Variants in PHACTR2 observed in about 807,000 individuals in gnomAD.
PHACTR2 encodes the protein chromosome 6 open reading frame 56.
PHACTR2 carries 30 observed loss-of-function variants against 76.0 expected under a neutral mutation model. The observed-to-expected ratio is 0.39, with a 90% CI of 0.30 to 0.54. The LOEUF (loss-of-function observed/expected upper bound fraction) is 0.54. Among genes scored for constraint, PHACTR2 ranks in the 20% least tolerant of loss-of-function variants. The probability of loss-of-function intolerance (pLI) is 0.61; values close to 1 mark genes in which losing one functional copy is unlikely to be tolerated. For missense variants in PHACTR2, 696 were observed against 781.1 expected (o/e 0.89, Z 1.30); for synonymous variants, 292 against 292.5 (o/e 1.00, Z 0.02).
At position 143,739,504 on chromosome 6, in the gene PHACTR2, T is replaced by A. The variant is rs1242002049; in HGVS notation, c.215-9481T>A. Reference sequence around the variant, plus strand: ...GTGTCACTGTGTCTTAGGTTTACCATCTTTTACTGTAAAGAAACAGGAAAT... The same window carrying A: ...GTGTCACTGTGTCTTAGGTTTACCAACTTTTACTGTAAAGAAACAGGAAAT... On this transcript the variant is annotated intron_variant, in intron 2 of 12. Coordinates refer to ENST00000440869, the MANE Select transcript of PHACTR2 (RefSeq NM_001100164.2). This position sits in a 1 kb window ranked among gnomAD's most constrained non-coding sequence, Gnocchi z 4.3. 6.6e-6 allele frequency among the ~76,000 whole-genome samples: 1 copy of A among 152,230 alleles called. No individual in the cohort carries two copies. The highest frequency in any genetic ancestry group is 1.5e-5 in the Non-Finnish European group (1 of 68,026).
At chr6:143,643,504 A>G (rs763706009) in intron 1 of PHACTR2, among the ~76,000 whole-genome samples, 83 of 152,224 alleles carry the variant, frequency 5.5e-4, no homozygotes, top group Non-Finnish European at 8.1e-4. Flanking sequence ...ACAATGTTTT[A>G]ACCATCAGTT....
chr6:143,608,289 T>C lies in PHACTR2; in HGVS notation c.-21T>C. 1.2e-6 allele frequency: 2 copies of C among 1,614,026 alleles called. No individual in the cohort carries two copies. Among genetic ancestry groups the C allele is most frequent in the Non-Finnish European group, 1.7e-6 (2 of 1,179,926 alleles). On this transcript the variant is annotated 5_prime_UTR_variant, in exon 1 of 12. Transcript: ENST00000305766. The surrounding 1 kb of genome is among the most constrained non-coding windows in gnomAD (Gnocchi z 4.6). The stretch of plus-strand genomic sequence containing the variant: ...CTTCCCGGCTGCCAGGCTACAGAAC[T>C]CGCCTCGCCACTCCTGAGACATGGA...
intron 7 of PHACTR2, among the ~76,000 whole-genome samples, chr6:143,773,418 C>T (rs1775199220): frequency 6.7e-6 from 1 of 150,302 alleles, no homozygotes; most frequent in African/African-American, 2.5e-5. Context: ...TAACTTTGTG[C>T]TGGATAACAT....
At chr6:143,781,879 A>G (rs1222496938) in intron 9 of PHACTR2, among the ~76,000 whole-genome samples, 3 of 152,206 alleles carry the variant, frequency 2.0e-5, no homozygotes, top group African/African-American at 7.2e-5. Flanking sequence ...GTGGATGATT[A>G]CAGTTTATGT....
Position 143,648,464 on chromosome 6 carries a change from G to A in PHACTR2, c.13+40142G>A, listed in dbSNP as rs1435366833. Reference sequence around the variant, plus strand: ...CTGGGAGTCCCTGGGAGGGGGGGACGAGGAGGAACAGACCAAACAAAGCAT... The same window carrying A: ...CTGGGAGTCCCTGGGAGGGGGGGACAAGGAGGAACAGACCAAACAAAGCAT... On this transcript the variant is annotated intron_variant, in intron 1 of 11. Transcript: ENST00000305766. The surrounding 1 kb of genome is among the most constrained non-coding windows in gnomAD (Gnocchi z 6.7). 4.6e-5 allele frequency among the ~76,000 whole-genome samples: 7 copies of A among 152,156 alleles called. No homozygotes were observed. Among genetic ancestry groups the A allele is most frequent in the African/African-American group, 9.7e-5 (4 of 41,424 alleles).
chr6:143,703,542 G>A lies in PHACTR2; in HGVS notation c.47-8474G>A, dbSNP rs182152147. 4.0e-3 allele frequency among the ~76,000 whole-genome samples: 604 copies of A among 152,290 alleles called. 1 individual carries two copies. Among genetic ancestry groups the A allele is most frequent in the Non-Finnish European group, 6.1e-3 (418 of 68,024 alleles). ...GTTACGAGCAATCTTCCTCCAGAGCGACTAAAATCCTTTCAATACATTCTA... is the reference window on the plus strand; with the variant it reads ...GTTACGAGCAATCTTCCTCCAGAGCAACTAAAATCCTTTCAATACATTCTA... On this transcript the variant is annotated intron_variant, in intron 1 of 12. Coordinates refer to ENST00000440869, the MANE Select transcript of PHACTR2 (RefSeq NM_001100164.2).
At position 143,710,943 on chromosome 6, in the gene PHACTR2, T is replaced by A. The variant is rs138697522; in HGVS notation, c.47-1073T>A. 1.1e-3 allele frequency: 491 copies of A among 454,708 alleles called. 9 individuals carry two copies. Among genetic ancestry groups the A allele is most frequent in the South Asian group, 7.4e-3 (445 of 60,082 alleles). 28.2% of individuals were successfully genotyped at this position (454,708 alleles called of 1,614,324 possible). On this transcript the variant is annotated intron_variant, in intron 1 of 12. Coordinates refer to ENST00000440869, the MANE Select transcript of PHACTR2 (RefSeq NM_001100164.2). This position sits in a 1 kb window ranked among gnomAD's most constrained non-coding sequence, Gnocchi z 4.9. The stretch of plus-strand genomic sequence containing the variant: ...TGCCTTTTCCATCTATCTATCCAGT[T>A]ATTATTTTTGACGGACATCAGTACA...
At chr6:143,626,472 G>A (rs546879209) in intron 1 of PHACTR2, among the ~76,000 whole-genome samples, 1 of 150,306 alleles carries the variant, frequency 6.7e-6, no homozygotes, top group Non-Finnish European at 1.5e-5. Flanking sequence ...GGAAGGCGGA[G>A]CTTGCAGTGA....
rs182871717 is a variant in PHACTR2 at position 143,600,725 on chromosome 6, C to T, written c.217+63518C>T. On this transcript the variant is annotated intron_variant, in intron 1 of 11. Transcript: ENST00000367584. ...CAAGACTATTGAGTGCTATTGAGGGCGAAGTGATTGTTTTGTTTAGTTTTG... is the reference window on the plus strand; with the variant it reads ...CAAGACTATTGAGTGCTATTGAGGGTGAAGTGATTGTTTTGTTTAGTTTTG... 3.5e-4 allele frequency among the ~76,000 whole-genome samples: 53 copies of T among 152,214 alleles called. 1 individual carries two copies. Among genetic ancestry groups the T allele is most frequent in the East Asian group, 2.3e-3 (12 of 5,174 alleles).
intron 9 of PHACTR2, among the ~76,000 whole-genome samples, chr6:143,778,489 A>C (rs994802485): frequency 6.6e-6 from 1 of 150,948 alleles, no homozygotes; most frequent in Admixed American, 6.6e-5. Flanking sequence ...TTTTTTTGAC[A>C]TAACTAGAAT....
rs947447707 is a variant in PHACTR2, at chr6:143,648,021, C to T, written c.13+39699C>T. ...ATAAGGGAAGCAGGTAGGATCCTGC[C>T]GTGACCCGAGAGAGATGTATGGCTG... On this transcript the variant is annotated intron_variant, in intron 1 of 11. Coordinates refer to the PHACTR2 transcript ENST00000305766. The surrounding 1 kb of genome is among the most constrained non-coding windows in gnomAD (Gnocchi z 6.7). Among the ~76,000 whole-genome samples, 3 of 152,072 alleles carry T rather than the reference C, an allele frequency of 2.0e-5. No individual in the cohort carries two copies. Among genetic ancestry groups the T allele is most frequent in the Admixed American group, 6.6e-5 (1 of 15,260 alleles).
Position 143,680,053 on chromosome 6 carries a change from A to G in PHACTR2, c.46+1844A>G, listed in dbSNP as rs1777353672. On this transcript the variant is annotated intron_variant, in intron 1 of 12. Transcript: ENST00000440869. The surrounding 1 kb of genome is among the most constrained non-coding windows in gnomAD (Gnocchi z 4.5). ...GTTATGACTTAAGTTGTGGTATTGT[A>G]AAAGAACAGTTTTCTCGTGGTATCC... Among the ~76,000 whole-genome samples the G allele has an allele frequency of 6.6e-6, 1 of 152,132 alleles. No individual in the cohort carries two copies. The highest frequency in any genetic ancestry group is 2.4e-5 in the African/African-American group (1 of 41,412).
At chr6:143,704,466 C>T (rs77003531) in intron 1 of PHACTR2, among the ~76,000 whole-genome samples, 5,547 of 152,214 alleles carry the variant, frequency 0.036, 141 homozygotes, top group Non-Finnish European at 0.056. Flanking sequence ...AGCGGACTTC[C>T]TCACTCCTAA....
Position 143,743,645 on chromosome 6 carries a change from T to C in PHACTR2, c.215-5340T>C, listed in dbSNP as rs1417617720. On this transcript the variant is annotated intron_variant, in intron 2 of 12. Coordinates refer to ENST00000440869, the MANE Select transcript of PHACTR2 (RefSeq NM_001100164.2). The surrounding 1 kb of genome is among the most constrained non-coding windows in gnomAD (Gnocchi z 5.0). ...GACATTCTGTTTTCTGCAACTGCTA[T>C]TGAAGAGGGGCAAAGCCGAGCCAGG... Among the ~76,000 whole-genome samples, 1 of 152,238 alleles carries C rather than the reference T, an allele frequency of 6.6e-6. No homozygotes were observed. The highest frequency in any genetic ancestry group is 1.5e-5 in the Non-Finnish European group (1 of 68,044).
chr6:143,586,312 G>T (rs1242631050), intron 1 of PHACTR2, among the ~76,000 whole-genome samples: 1 of 152,142 alleles, frequency 6.6e-6, no homozygotes, highest in African/African-American at 2.4e-5. Context: ...TTACTTTTTG[G>T]CAATGAAAGA....
intron 6 of PHACTR2, among the ~76,000 whole-genome samples, chr6:143,768,986 G>C (rs1242823594): frequency 3.3e-5 from 5 of 152,092 alleles, no homozygotes; most frequent in African/African-American, 1.2e-4. Context: ...TGGATATTTG[G>C]ATTAGAATAT....
intron 2 of PHACTR2, among the ~76,000 whole-genome samples, chr6:143,724,500 A>C (rs1272915645): frequency 6.6e-6 from 1 of 151,682 alleles, no homozygotes. Flanking sequence ...ATGCGACCCA[A>C]CTTCTTTCAC....
At position 143,806,906 on chromosome 6, in the gene PHACTR2, A is replaced by G. The variant is rs1776078018; in HGVS notation, c.1846-151A>G. On this transcript the variant is annotated intron_variant, in intron 11 of 12. Transcript: ENST00000440869. This position sits in a 1 kb window ranked among gnomAD's most constrained non-coding sequence, Gnocchi z 5.8. ...CAGGAGTTTGAGGCTGCAATGAGCC[A>G]TGATCTCGCCACTCCACTCCAGCTT... 6.0e-6 allele frequency: 3 copies of G among 499,576 alleles called. No individual in the cohort carries two copies. 30.9% of individuals were successfully genotyped at this position (499,576 alleles called of 1,614,324 possible).
chr6:143,784,354 A>C lies in PHACTR2; in HGVS notation c.1707+1074A>C, dbSNP rs368212074. ...TCACTTTTTTCTGTGTTAAAGTAATAGCCTTTGGAAAAATCAAGCACCATC... is the reference window on the plus strand; with the variant it reads ...TCACTTTTTTCTGTGTTAAAGTAATCGCCTTTGGAAAAATCAAGCACCATC... On this transcript the variant is annotated intron_variant, in intron 10 of 12. Transcript: ENST00000440869. The surrounding 1 kb of genome is among the most constrained non-coding windows in gnomAD (Gnocchi z 4.5). 9.3e-4 allele frequency among the ~76,000 whole-genome samples: 141 copies of C among 152,352 alleles called. 1 individual carries two copies. The highest frequency in any genetic ancestry group is 3.2e-3 in the African/African-American group (134 of 41,576).
Sources: gnomAD v4.1 joint callset for allele counts (sites outside exome capture counted in the v4.1 genomes callset) on GRCh38, gnomAD v4.1.1 for gene constraint, Gnocchi (gnomAD v3.1) non-coding constraint, MANE v1.5 for transcripts, NCBI Gene and HGNC (gene_info 2026-07-23, HGNC 2026-07-21) for gene names.